MGST1: variants seen among roughly 807,000 people sequenced by gnomAD.
MGST1 encodes the protein glutathione S-transferase 12.
MGST1 carries 5 observed loss-of-function variants against 8.9 expected under a neutral mutation model. The observed-to-expected ratio is 0.56, with a 90% CI of 0.29 to 1.19. MGST1 has a LOEUF of 1.19. MGST1 is among the 50% of genes most tolerant of loss of function. MGST1 has a pLI of 0.08. For missense variants in MGST1, 182 were observed against 187.4 expected, an observed-to-expected ratio of 0.97 and a Z score of 0.17; for synonymous variants, 54 against 67.8, an observed-to-expected ratio of 0.80 and a Z score of 1.00.
rs573380802 is a variant in MGST1, at chr12:16,534,164, A to G, written n.483-55364A>G. Among the ~76,000 whole-genome samples the G allele has an allele frequency of 1.2e-4, 18 of 152,352 alleles. No individual in the cohort carries two copies. In the South Asian group the frequency reaches 2.3e-3, roughly 19 times the overall value. On this transcript the variant is annotated intron_variant and non_coding_transcript_variant, in intron 4 of 4. Coordinates refer to the MGST1 transcript ENST00000538857. ...TTACTTTTCCAAACAATAAAAAATC[A>G]TTGATAAAATAAGACAAAAGAATAA...
intron 1 of MGST1, among the ~76,000 whole-genome samples, chr12:16,387,533 T>A (rs1940514128): frequency 6.6e-6 from 1 of 151,518 alleles, no homozygotes; most frequent in African/African-American, 2.4e-5. Context: ...GTATACCATT[T>A]TTTTTTTTTT....
rs952374458 is a variant in MGST1, at chr12:16,401,201, G to A, written n.778+17597G>A. 4 of 1,558,460 alleles carry A rather than the reference G, an allele frequency of 2.6e-6. No individual in the cohort carries two copies. Among genetic ancestry groups the A allele is most frequent in the Non-Finnish European group, 3.5e-6 (4 of 1,131,546 alleles). On this transcript the variant is annotated intron_variant and non_coding_transcript_variant, in intron 1 of 1. Transcript: ENST00000359720. The surrounding 1 kb of genome is among the most constrained non-coding windows in gnomAD (Gnocchi z 4.3). The stretch of plus-strand genomic sequence containing the variant: ...GTAGCTGGGCCATCCTCATCCATAA[G>A]CACTGTGTCACTAAGGAACAGGGCA...
chr12:16,397,656 C>G (rs760988312), intron 1 of MGST1, among the ~76,000 whole-genome samples: 3 of 151,648 alleles, frequency 2.0e-5, no homozygotes, highest in Non-Finnish European at 4.4e-5. Context: ...AAAAGATACA[C>G]GAATGGCCAA....
At chr12:16,434,869 T>C (rs1191051857) in intron 1 of MGST1, among the ~76,000 whole-genome samples, 2 of 151,952 alleles carry the variant, frequency 1.3e-5, no homozygotes, top group African/African-American at 4.8e-5. Context: ...CATTTGATAT[T>C]AGTTTAGTTT....
chr12:16,349,401 A>G (rs1939353634), intron 1 of MGST1, among the ~76,000 whole-genome samples: 1 of 152,044 alleles, frequency 6.6e-6, no homozygotes, highest in African/African-American at 2.4e-5. Flanking sequence ...CAGGAATGAG[A>G]TTTGACAAGG....
At chr12:16,348,678 G>C (rs775265543) in intron 1 of MGST1, among the ~76,000 whole-genome samples, 3 of 152,060 alleles carry the variant, frequency 2.0e-5, no homozygotes, top group African/African-American at 4.8e-5. Context: ...CCAGCCTGCT[G>C]TGAGTCCCAG....
chr12:16,446,763 G>C (rs1469716682), intron 4 of MGST1, among the ~76,000 whole-genome samples: 1 of 151,852 alleles, frequency 6.6e-6, no homozygotes, highest in Non-Finnish European at 1.5e-5. Context: ...TTGGGGAAGA[G>C]AGCCACCACT....
At chr12:16,478,626 A>AT (rs966547787) in intron 4 of MGST1, among the ~76,000 whole-genome samples, 2 of 151,384 alleles carry the variant, frequency 1.3e-5, no homozygotes, top group Non-Finnish European at 2.9e-5. Context: ...ATTTTGGTGA[A>AT]TTTTTTTTTA....
At chr12:16,398,257 G>T (rs2137059905) in intron 1 of MGST1, among the ~76,000 whole-genome samples, 1 of 152,208 alleles carries the variant, frequency 6.6e-6, no homozygotes, top group East Asian at 1.9e-4. Flanking sequence ...GGGACAGGTG[G>T]GTGCAGAGAA....
At chr12:16,562,051 T>A (rs943682186) in intron 4 of MGST1, among the ~76,000 whole-genome samples, 4 of 152,326 alleles carry the variant, frequency 2.6e-5, no homozygotes, top group Admixed American at 6.5e-5. Flanking sequence ...CCTTTTGTAA[T>A]CTGTATTTTG....
At chr12:16,510,035 G>A (rs966313775) in intron 4 of MGST1, among the ~76,000 whole-genome samples, 1 of 152,150 alleles carries the variant, frequency 6.6e-6, no homozygotes, top group Non-Finnish European at 1.5e-5. Context: ...AGTTAAAACA[G>A]TGCTGGCATA....
Position 16,482,287 on chromosome 12 carries a change from A to C in MGST1, n.482+98683A>C, listed in dbSNP as rs796091771. Among the ~76,000 whole-genome samples the C allele has an allele frequency of 3.3e-5, 5 of 152,308 alleles. No homozygotes were observed. Among genetic ancestry groups the C allele is most frequent in the African/African-American group, 1.2e-4 (5 of 41,572 alleles). On this transcript the variant is annotated intron_variant and non_coding_transcript_variant, in intron 4 of 4. Transcript: ENST00000538857. The surrounding 1 kb of genome is among the most constrained non-coding windows in gnomAD (Gnocchi z 4.2). ...CTCAGAAATATGTGAATACATTTAA[A>C]ATAGATTTTTCTGTGAGAAAAAGAA...
exon 2 of MGST1, chr12:16,438,283 A>G (rs1003567578): frequency 6.6e-6 from 1 of 151,970 alleles, no homozygotes. Flanking sequence ...AAAGCAAAAT[A>G]TGCTTTACAA....
intron 4 of MGST1, among the ~76,000 whole-genome samples, chr12:16,467,235 C>T (rs1265002760): frequency 6.6e-6 from 1 of 152,156 alleles, no homozygotes; most frequent in Non-Finnish European, 1.5e-5. Flanking sequence ...ACTACTTATA[C>T]ATGTAACAAT....
At chr12:16,539,725 A>G (rs1470859945) in intron 4 of MGST1, among the ~76,000 whole-genome samples, 1 of 152,212 alleles carries the variant, frequency 6.6e-6, no homozygotes, top group Admixed American at 6.5e-5. Flanking sequence ...AAGTTTTAAC[A>G]GGCTCCTCAT....
Position 16,513,417 on chromosome 12 carries a change from T to A in MGST1, n.483-76111T>A, listed in dbSNP as rs1941589311. The stretch of plus-strand genomic sequence containing the variant: ...ATGGCTCCTCTGCGCTCCAGCTGCG[T>A]CGTCTCCGGGATCGCCGCCGCCTTC... On this transcript the variant is annotated intron_variant and non_coding_transcript_variant, in intron 4 of 4. Transcript: ENST00000538857. The surrounding 1 kb of genome is among the most constrained non-coding windows in gnomAD (Gnocchi z 4.2). The A allele has an allele frequency of 2.5e-6, 1 of 393,106 alleles. No homozygotes were observed. Among genetic ancestry groups the A allele is most frequent in the Non-Finnish European group, 5.0e-6 (1 of 201,916 alleles). 24.4% of individuals were successfully genotyped at this position (393,106 alleles called of 1,614,324 possible).
In MGST1 at chr12:16,500,678, A is replaced by G. The variant is rs1169928829; in HGVS notation, n.483-88850A>G. ...CCTTTGCCCAGGATGATGTTTACAC[A>G]TAGCAGGTGCTCAATAAATATATGT... On this transcript the variant is annotated intron_variant and non_coding_transcript_variant, in intron 4 of 4. Transcript: ENST00000538857. The surrounding 1 kb of genome is among the most constrained non-coding windows in gnomAD (Gnocchi z 4.3). 6.6e-6 allele frequency among the ~76,000 whole-genome samples: 1 copy of G among 152,224 alleles called. No individual in the cohort carries two copies. The highest frequency in any genetic ancestry group is 1.5e-5 in the Non-Finnish European group (1 of 68,042).
chr12:16,484,600 G>C (rs1054909030), intron 4 of MGST1, among the ~76,000 whole-genome samples: 2 of 152,070 alleles, frequency 1.3e-5, no homozygotes, highest in African/African-American at 4.8e-5. Context: ...GAAGGTGAGG[G>C]GGAAGCAGGC....
chr12:16,486,621 T>G (rs1448098974), intron 4 of MGST1, among the ~76,000 whole-genome samples: 1 of 152,280 alleles, frequency 6.6e-6, no homozygotes, highest in African/African-American at 2.4e-5. Context: ...AAGTGTCAAT[T>G]TGTCCAAGAC....
Sources: gnomAD v4.1 joint callset for allele counts (sites outside exome capture counted in the v4.1 genomes callset) on GRCh38, gnomAD v4.1.1 for gene constraint, Gnocchi (gnomAD v3.1) non-coding constraint, MANE v1.5 for transcripts, NCBI Gene and HGNC (gene_info 2026-07-23, HGNC 2026-07-21) for gene names.